Variants in STX8 observed in about 807,000 individuals in gnomAD.
STX8 encodes syntaxin 8.
A neutral mutation model predicts 37.5 loss-of-function variants in STX8; 23 were observed. That is an observed-to-expected ratio of 0.61 (90% CI 0.44 to 0.87). The LOEUF (loss-of-function observed/expected upper bound fraction) is 0.87, where lower values mean the gene tolerates loss of function less well. Ranked by LOEUF, STX8 falls within the 40% of genes least tolerant of loss-of-function variation. The probability of loss-of-function intolerance (pLI) is 0.00; values close to 1 mark genes in which losing one functional copy is unlikely to be tolerated. For synonymous variants in STX8, 115 were observed against 99.1 expected, an observed-to-expected ratio of 1.16 and a Z score of -0.95; for missense variants, 313 against 284.7, an observed-to-expected ratio of 1.10 and a Z score of -0.71.
intron 6 of STX8, among the ~76,000 whole-genome samples, chr17:9,477,661 AT>A (rs2142448699): frequency 6.6e-6 from 1 of 152,384 alleles, no homozygotes; most frequent in East Asian, 1.9e-4. Flanking sequence ...GACTACAGAA[AT>A]AAAAGGGGGC....
intron 7 of STX8, among the ~76,000 whole-genome samples, chr17:9,314,950 A>G (rs925726744): frequency 3.3e-5 from 5 of 151,472 alleles, no homozygotes; most frequent in Non-Finnish European, 5.9e-5. Context: ...AAAAATACGA[A>G]CATTAGCCAG....
At chr17:9,372,014 T>C (rs1911417899) in intron 7 of STX8, among the ~76,000 whole-genome samples, 4 of 152,162 alleles carry the variant, frequency 2.6e-5, no homozygotes, top group South Asian at 4.1e-4. Context: ...TATTTTTAGT[T>C]GGCTCCTAGC....
chr17:9,416,426 G>C (rs140145544), intron 6 of STX8, among the ~76,000 whole-genome samples: 1,756 of 151,896 alleles, frequency 0.012, 38 homozygotes, highest in African/African-American at 0.04. Context: ...CTGGAGTACA[G>C]TAGCACGATC....
rs531224909 is a variant in STX8, at chr17:9,275,897, G to A, written c.644-25252C>T. Among the ~76,000 whole-genome samples, 15 of 151,956 alleles carry A rather than the reference G, an allele frequency of 9.9e-5. No homozygotes were observed. In the South Asian group the frequency reaches 3.1e-3, roughly 32 times the overall value. ...AAAGAAAAAAAAGAAAAAAAAAAAG[G>A]GCGGGGGATAACAGTAGCGTATATA... On this transcript the variant is annotated intron_variant, in intron 7 of 7. Transcript: ENST00000306357.
chr17:9,541,383 G>T (rs35995061), intron 4 of STX8, among the ~76,000 whole-genome samples: 56,101 of 151,694 alleles, frequency 0.37, 10,715 homozygotes, highest in African/African-American at 0.46. Flanking sequence ...TCAGGGGGCA[G>T]GGCACGAGGG....
intron 6 of STX8, among the ~76,000 whole-genome samples, chr17:9,450,045 T>C (rs915617181): frequency 4.8e-5 from 7 of 146,048 alleles, no homozygotes; most frequent in Non-Finnish European, 8.9e-5. Flanking sequence ...TCAAAACTCA[T>C]TAAATTGTTC....
chr17:9,454,368 G>T (rs1905127021), intron 6 of STX8, among the ~76,000 whole-genome samples: 1 of 152,144 alleles, frequency 6.6e-6, no homozygotes, highest in South Asian at 2.1e-4. Flanking sequence ...CTTAGAACAG[G>T]GCATAATTTA....
At chr17:9,573,104 C>A (rs1414397363) in intron 1 of STX8, among the ~76,000 whole-genome samples, 1 of 115,990 alleles carries the variant, frequency 8.6e-6, no homozygotes, top group Non-Finnish European at 1.7e-5. Flanking sequence ...CCGCAACCAT[C>A]TGAACGGACC....
intron 4 of STX8, among the ~76,000 whole-genome samples, chr17:9,538,916 A>G (rs1783074998): frequency 6.6e-6 from 1 of 152,100 alleles, no homozygotes; most frequent in Admixed American, 6.5e-5. Context: ...AGATTTAGCA[A>G]TGCTCTCGAA....
chr17:9,298,041 T>C (rs1050095381), intron 7 of STX8, among the ~76,000 whole-genome samples: 1 of 152,330 alleles, frequency 6.6e-6, no homozygotes, highest in African/African-American at 2.4e-5. Context: ...TTCCCAAGTG[T>C]CTTCCCCAAA....
At chr17:9,296,254 G>A (rs1279699145) in intron 7 of STX8, among the ~76,000 whole-genome samples, 1 of 152,076 alleles carries the variant, frequency 6.6e-6, no homozygotes, top group Non-Finnish European at 1.5e-5. Context: ...GCTGAGGCAG[G>A]AGAATGGCGC....
chr17:9,341,572 G>C (rs994148739), intron 7 of STX8, among the ~76,000 whole-genome samples: 1 of 152,168 alleles, frequency 6.6e-6, no homozygotes, highest in African/African-American at 2.4e-5. Flanking sequence ...GAGTAGCTGG[G>C]ATTACAGGCA....
At chr17:9,283,699 T>A (rs2142155088) in intron 7 of STX8, among the ~76,000 whole-genome samples, 1 of 152,250 alleles carries the variant, frequency 6.6e-6, no homozygotes, top group East Asian at 1.9e-4. Flanking sequence ...ACTGTATGCA[T>A]CTTTCAAAAT....
chr17:9,461,205 T>G (rs1281613846), intron 6 of STX8: 1 of 152,070 alleles, frequency 6.6e-6, no homozygotes, highest in East Asian at 1.9e-4. Context: ...GTTATCTTCC[T>G]TGACAGATCC....
At chr17:9,505,258 T>C (rs1251920844) in intron 4 of STX8, 96 bp from the exon 5 acceptor site, 6 of 1,419,024 alleles carry the variant, frequency 4.2e-6, no homozygotes, top group South Asian at 1.4e-5. Flanking sequence ...CTTGAATGCT[T>C]TGAAAATTCA....
chr17:9,519,126 T>C (rs11657426), intron 4 of STX8, among the ~76,000 whole-genome samples: 105,664 of 151,930 alleles, frequency 0.7, 37,436 homozygotes, highest in East Asian at 0.84. Context: ...ACCCCTTACC[T>C]GATTGAAAAT....
chr17:9,517,321 T>C (rs1905184374), intron 4 of STX8, among the ~76,000 whole-genome samples: 1 of 152,084 alleles, frequency 6.6e-6, no homozygotes, highest in Non-Finnish European at 1.5e-5. Flanking sequence ...GCTGGCATAA[T>C]GGACACTGAA....
At chr17:9,517,832 C>A in intron 4 of STX8, among the ~76,000 whole-genome samples, 1 of 148,944 alleles carries the variant, frequency 6.7e-6, no homozygotes, top group African/African-American at 2.5e-5. Context: ...CTTAAGGCAG[C>A]CTTGAAGAAT....
chr17:9,544,748 T>C (rs1213760072), intron 4 of STX8, among the ~76,000 whole-genome samples: 2 of 152,116 alleles, frequency 1.3e-5, no homozygotes, highest in East Asian at 3.9e-4. Context: ...ATCCCAGCAC[T>C]TTGGGAGGCC....
Sources: allele counts gnomAD v4.1 joint callset (sites outside exome capture counted in the v4.1 genomes callset), GRCh38; gene constraint gnomAD v4.1.1; transcripts MANE v1.5; gene names NCBI Gene and HGNC (gene_info 2026-07-23, HGNC 2026-07-21).